DUSP11: variants seen among roughly 807,000 people sequenced by gnomAD.
DUSP11 encodes the protein RNA/RNP complex-1-interacting phosphatase.
A neutral mutation model predicts 41.4 loss-of-function variants in DUSP11; 27 were observed. The observed-to-expected ratio is 0.65, with a 90% CI of 0.48 to 0.90. The LOEUF (loss-of-function observed/expected upper bound fraction) is 0.90, where lower values mean the gene tolerates loss of function less well. Ranked by LOEUF, DUSP11 falls within the 40% of genes least tolerant of loss-of-function variation. The probability of loss-of-function intolerance (pLI) is 0.00; values close to 1 mark genes in which losing one functional copy is unlikely to be tolerated. For synonymous variants in DUSP11, 188 were observed against 159.3 expected, an observed-to-expected ratio of 1.18 and a Z score of -1.35; for missense variants, 465 against 461.1, an observed-to-expected ratio of 1.01 and a Z score of -0.08.
At chr2:73,767,279 A>G in intron 5 of DUSP11, 72 bp from the exon 6 acceptor site, 1 of 1,110,894 alleles carries the variant, frequency 9.0e-7, no homozygotes, top group Non-Finnish European at 1.4e-6. Context: ...AAAAAGGTCC[A>G]ATTTCAACTT....
chr2:73,775,546 T>G (rs567494419), intron 2 of DUSP11, among the ~76,000 whole-genome samples: 84 of 145,748 alleles, frequency 5.8e-4, no homozygotes, highest in Admixed American at 1.2e-3. Flanking sequence ...ACCTGGCCTT[T>G]TTTTTTTTTT....
intron 5 of DUSP11, chr2:73,767,536 A>C (rs577745840): frequency 5.3e-6 from 1 of 188,464 alleles, no homozygotes; most frequent in African/African-American, 2.3e-5. Flanking sequence ...AATATGACAG[A>C]GTATTTATCA....
intron 8 of DUSP11, among the ~76,000 whole-genome samples, chr2:73,763,455 G>A (rs544999146): frequency 2.0e-3 from 312 of 152,296 alleles, no homozygotes; most frequent in Middle Eastern, 3.4e-3. Flanking sequence ...TGGGCGTGGT[G>A]GCTCGCACTT....
intron 4 of DUSP11, 127 bp from the exon 5 acceptor site, chr2:73,769,452 A>G (rs901092326): frequency 2.8e-6 from 2 of 713,580 alleles, no homozygotes; most frequent in African/African-American, 3.6e-5. Context: ...ATAAAGAATC[A>G]TCTAACAGAA....
At position 73,774,047 on chromosome 2, in the gene DUSP11, T is replaced by C. The variant is rs1039769835; in HGVS notation, c.451-124A>G. ...CAAACTTAATATGCCAATATCAGTA[T>C]ACACAATTCTGATAAAAGAGCCATT... On this transcript the variant is annotated intron_variant, in intron 3 of 8. Coordinates refer to ENST00000272444, the Ensembl canonical transcript of DUSP11. The C allele has an allele frequency of 8.5e-5, 63 of 740,252 alleles. 1 individual carries two copies. Among genetic ancestry groups the C allele is most frequent in the Middle Eastern group, 8.7e-4 (2 of 2,286 alleles). The allele number at this position is 740,252 out of a possible 1,614,324, so 45.9% of individuals were successfully genotyped here. A position where few individuals can be genotyped will look rare whatever the true frequency, so the allele number is the denominator to read the frequency against.
chr2:73,775,035 T>C (rs1558534911), exon 3 of DUSP11: 2 of 1,609,884 alleles, frequency 1.2e-6, no homozygotes. Context: ...GCAAGTTTCT[T>C]TTCAAAACTC....
At chr2:73,766,538 A>T in exon 8 of DUSP11, 1 of 1,614,104 alleles carries the variant, frequency 6.2e-7, no homozygotes, top group Middle Eastern at 1.6e-4. Context: ...GACTGGTTGC[A>T]TGAGATGTGC....
At chr2:73,773,582 T>C in intron 4 of DUSP11, 1 of 459,554 alleles carries the variant, frequency 2.2e-6, no homozygotes, top group South Asian at 2.6e-5. Flanking sequence ...GCCAGTTCAG[T>C]TCATATTTTG....
intron 2 of DUSP11, among the ~76,000 whole-genome samples, chr2:73,775,432 G>A (rs184919911): frequency 2.8e-5 from 4 of 144,990 alleles, no homozygotes; most frequent in Admixed American, 2.1e-4. Context: ...AGGCTGGAGT[G>A]CAGTGACACA....
At chr2:73,775,771 G>A (rs76017022) in intron 2 of DUSP11, among the ~76,000 whole-genome samples, 24 of 147,934 alleles carry the variant, frequency 1.6e-4, no homozygotes, top group African/African-American at 1.8e-4. Flanking sequence ...GGAGAATGGC[G>A]TGAACCCGGG....
chr2:73,770,090 C>A (rs1672542835), intron 4 of DUSP11, among the ~76,000 whole-genome samples: 1 of 151,732 alleles, frequency 6.6e-6, no homozygotes, highest in Admixed American at 6.6e-5. Flanking sequence ...GTAATCCCAG[C>A]ACTTTCCAAC....
At chr2:73,762,776 C>T in exon 9 of DUSP11, 1 of 1,613,692 alleles carries the variant, frequency 6.2e-7, no homozygotes, top group East Asian at 2.2e-5. Flanking sequence ...CCAAGAATAC[C>T]TCCTGTGTGA....
At chr2:73,762,619 G>A (rs756497511) in exon 9 of DUSP11, 1 of 1,507,044 alleles carries the variant, frequency 6.6e-7, no homozygotes, top group East Asian at 2.3e-5. Context: ...TAATTTTCAG[G>A]CCAGCTCTGG....
At chr2:73,764,883 T>C (rs1672428201) in intron 8 of DUSP11, among the ~76,000 whole-genome samples, 1 of 152,090 alleles carries the variant, frequency 6.6e-6, no homozygotes, top group Non-Finnish European at 1.5e-5. Context: ...GGAGAACTGC[T>C]TGAACCTGGG....
rs1312293133 is a variant in DUSP11, at chr2:73,766,814, A to G, written c.758+14T>C. On this transcript the variant is annotated intron_variant, in intron 7 of 8. Transcript: ENST00000272444. ...CCTGACCCACAAATCTCACATATAT[A>G]ACATAAGACTTACTTTCTGATAGGA... 3.1e-6 allele frequency: 5 copies of G among 1,592,966 alleles called. No individual in the cohort carries two copies. The highest frequency in any genetic ancestry group is 4.3e-6 in the Non-Finnish European group (5 of 1,161,908).
chr2:73,768,630 C>T (rs543489576), intron 5 of DUSP11: 7 of 985,300 alleles, frequency 7.1e-6, no homozygotes, highest in South Asian at 4.7e-5. Context: ...TTGTGTTCAT[C>T]GGTGTGCAAA....
At chr2:73,774,866 T>C in intron 3 of DUSP11, 47 bp downstream of exon 3, 1 of 1,444,466 alleles carries the variant, frequency 6.9e-7, no homozygotes, top group Non-Finnish European at 9.2e-7. Context: ...TAAATTATTT[T>C]AGGATCAGAA....
At chr2:73,771,996 A>G (rs1025638008) in intron 4 of DUSP11, among the ~76,000 whole-genome samples, 6 of 147,108 alleles carry the variant, frequency 4.1e-5, no homozygotes, top group African/African-American at 1.5e-4. Flanking sequence ...AATTTTTTGT[A>G]TTTTTAGTAG....
intron 2 of DUSP11, among the ~76,000 whole-genome samples, chr2:73,777,871 C>A (rs189658852): frequency 3.3e-5 from 5 of 152,240 alleles, no homozygotes; most frequent in Admixed American, 6.5e-5. Context: ...ATAATAATCA[C>A]CTTATCAACC....
Sources: allele counts gnomAD v4.1 joint callset (sites outside exome capture counted in the v4.1 genomes callset), GRCh38; gene constraint gnomAD v4.1.1; transcripts MANE v1.5; gene names NCBI Gene and HGNC (gene_info 2026-07-23, HGNC 2026-07-21).